The following VTI1A variants were observed in gnomAD, a reference collection of about 807,000 sequenced individuals.
VTI1A encodes vesicle transport through interaction with t-SNAREs 1A, also known as vesicle transport through interaction with t-SNAREs homolog 1A.
Under a neutral mutation model 34.9 loss-of-function variants are expected in VTI1A, and 22 were observed. That is an observed-to-expected ratio of 0.63 (90% CI 0.45 to 0.90). The LOEUF (loss-of-function observed/expected upper bound fraction) is 0.90. Among genes scored for constraint, VTI1A ranks in the 40% least tolerant of loss-of-function variants. The probability of loss-of-function intolerance (pLI) is 0.00; values close to 1 mark genes in which losing one functional copy is unlikely to be tolerated. For synonymous variants in VTI1A, 87 were observed against 97.3 expected, an observed-to-expected ratio of 0.89 and a Z score of 0.62; for missense variants, 268 against 275.6, an observed-to-expected ratio of 0.97 and a Z score of 0.20.
chr10:112,590,362 A>C lies in VTI1A; in HGVS notation c.427+52032A>C, dbSNP rs953586100. ...GATGGGCAGATAGAATATCCTCTCT[A>C]TATATGTTTGTGTATGTGGGAAAGA... On this transcript the variant is annotated intron_variant, in intron 5 of 7. Transcript: ENST00000393077. Among the ~76,000 whole-genome samples the C allele has an allele frequency of 2.6e-5, 4 of 152,288 alleles. 1 individual carries two copies. The highest frequency in any genetic ancestry group is 2.1e-4 in the South Asian group (1 of 4,824).
chr10:112,563,927 G>C (rs1851815402), intron 5 of VTI1A, among the ~76,000 whole-genome samples: 2 of 152,050 alleles, frequency 1.3e-5, no homozygotes, highest in Non-Finnish European at 2.9e-5. Context: ...TATTACTTCA[G>C]TTCTCAAATT....
intron 7 of VTI1A, among the ~76,000 whole-genome samples, chr10:112,790,616 G>GC (rs1852429876): frequency 6.6e-6 from 1 of 152,184 alleles, no homozygotes; most frequent in Non-Finnish European, 1.5e-5. Context: ...TCTTCTGGCA[G>GC]CCCCACCCTG....
In VTI1A at chr10:112,547,927, CT is replaced by C. The variant is rs373282812; in HGVS notation, c.427+9604del. Among the ~76,000 whole-genome samples the C allele has an allele frequency of 3.6e-3, 540 of 152,086 alleles. 4 individuals carry two copies. Among genetic ancestry groups the C allele is most frequent in the South Asian group, 0.028 (136 of 4,818 alleles). On this transcript the variant is annotated intron_variant, in intron 5 of 7. Coordinates refer to ENST00000393077, the MANE Select transcript of VTI1A (RefSeq NM_145206.4). Reference sequence around the variant, plus strand: ...ATCAATCAACAGTAGTATAAGCTTACTTTTTTTCTTTTTTCTCTTTTTTAAT... The same window carrying C: ...ATCAATCAACAGTAGTATAAGCTTACTTTTTTCTTTTTTCTCTTTTTTAAT...
At chr10:112,558,460 C>A (rs1319305294) in intron 5 of VTI1A, among the ~76,000 whole-genome samples, 1 of 152,160 alleles carries the variant, frequency 6.6e-6, no homozygotes, top group Non-Finnish European at 1.5e-5. Context: ...TTATCATAGA[C>A]TTACTGTGTA....
In VTI1A at chr10:112,668,284, A is replaced by G. The variant is rs1332099365; in HGVS notation, c.494A>G (p.Glu165Gly). ...HDREKIQRARERLRETDANLG... is the reference protein window; with the variant it reads ...HDREKIQRARGRLRETDANLG... ...AGAGAAAAGATACAGCGAGCACGTG[A>G]AAGAGTAAGTACAATTGATACAGTT... Residue 165 changes from glutamate (E) to glycine (G), a missense_variant, in exon 6 of 8, where the codon GAA becomes GGA. Transcript: ENST00000393077. 1 of 1,612,298 alleles carries G rather than the reference A, an allele frequency of 6.2e-7. No homozygotes were observed.
At chr10:112,732,955 C>T (rs925829204) in intron 7 of VTI1A, among the ~76,000 whole-genome samples, 2 of 152,150 alleles carry the variant, frequency 1.3e-5, no homozygotes, top group Non-Finnish European at 2.9e-5. Context: ...GAACATACCT[C>T]CAATTCCAAG....
At chr10:112,829,317 G>T in the VTI1A span, among the ~76,000 whole-genome samples, 1 of 152,054 alleles carries the variant, frequency 6.6e-6, no homozygotes. Flanking sequence ...GGTGGCAGGT[G>T]CCTGTAGTCC....
At chr10:112,621,035 A>C (rs12784131) in intron 5 of VTI1A, among the ~76,000 whole-genome samples, 1 of 152,208 alleles carries the variant, frequency 6.6e-6, no homozygotes, top group Non-Finnish European at 1.5e-5. Context: ...AATTCCATCC[A>C]TATGAAATCT....
At chr10:112,788,648 C>G (rs1852368496) in intron 7 of VTI1A, among the ~76,000 whole-genome samples, 1 of 152,048 alleles carries the variant, frequency 6.6e-6, no homozygotes, top group African/African-American at 2.4e-5. Flanking sequence ...ACATTTAGTC[C>G]ATTAACATTT....
At chr10:112,470,276 A>G (rs2134067751) in intron 3 of VTI1A, among the ~76,000 whole-genome samples, 1 of 152,296 alleles carries the variant, frequency 6.6e-6, no homozygotes, top group South Asian at 2.1e-4. Context: ...TTTCCCTCTC[A>G]AGGGTTGAGT....
chr10:112,649,965 A>G (rs1186432703), intron 5 of VTI1A, among the ~76,000 whole-genome samples: 1 of 152,222 alleles, frequency 6.6e-6, no homozygotes, highest in African/African-American at 2.4e-5. Context: ...GTGAGATTGT[A>G]AAGGGCGAGG....
At chr10:112,840,755 T>A in the VTI1A span, among the ~76,000 whole-genome samples, 3 of 152,162 alleles carry the variant, frequency 2.0e-5, no homozygotes, top group Admixed American at 1.3e-4. Flanking sequence ...AAATTCTGTA[T>A]TTCTTTATGT....
chr10:112,548,628 A>C (rs560548152), intron 5 of VTI1A: 326 of 1,030,022 alleles, frequency 3.2e-4, no homozygotes, highest in Non-Finnish European at 4.4e-4. Context: ...GATAATATTC[A>C]TTTAGCCTTC....
intron 7 of VTI1A, 143 bp from the exon 8 acceptor site, chr10:112,815,139 GCACACACA>G (rs71489986): frequency 2.5e-4 from 45 of 180,928 alleles, no homozygotes; most frequent in South Asian, 1.1e-3. Context: ...TTTCGCGCGC[GCACACACA>G]CACACACACA....
intron 5 of VTI1A, among the ~76,000 whole-genome samples, chr10:112,626,463 A>G (rs1471245090): frequency 3.3e-5 from 5 of 152,188 alleles, no homozygotes; most frequent in Admixed American, 6.5e-5. Flanking sequence ...GATTTATAGA[A>G]TTAATCTGTA....
At chr10:112,482,752 G>A (rs754827296) in intron 3 of VTI1A, among the ~76,000 whole-genome samples, 3 of 152,146 alleles carry the variant, frequency 2.0e-5, no homozygotes, top group South Asian at 2.1e-4. Context: ...TGTGCCCTTG[G>A]TAATGTATTT....
At chr10:112,784,754 A>G (rs1852233093) in intron 7 of VTI1A, among the ~76,000 whole-genome samples, 1 of 152,198 alleles carries the variant, frequency 6.6e-6, no homozygotes, top group Non-Finnish European at 1.5e-5. Flanking sequence ...AGAAAAATAG[A>G]TACTTCCCCT....
At position 112,644,088 on chromosome 10, in the gene VTI1A, G is replaced by A. The variant is rs142410184; in HGVS notation, c.428-24130G>A. Among the ~76,000 whole-genome samples, 8 of 152,280 alleles carry A rather than the reference G, an allele frequency of 5.3e-5. No individual in the cohort carries two copies. In the East Asian group the frequency reaches 1.5e-3, roughly 29 times the overall value. On this transcript the variant is annotated intron_variant, in intron 5 of 7. Transcript: ENST00000393077. Reference sequence around the variant, plus strand: ...CTCGGCTTTGCTATTCAGATGCACTGCAAAGTATGTGCATCACCCTCTCTG... The same window carrying A: ...CTCGGCTTTGCTATTCAGATGCACTACAAAGTATGTGCATCACCCTCTCTG...
chr10:112,641,137 G>A (rs1034491014), intron 5 of VTI1A, among the ~76,000 whole-genome samples: 1 of 151,962 alleles, frequency 6.6e-6, no homozygotes, highest in African/African-American at 2.4e-5. Context: ...AAAAGTCACG[G>A]ATTTTCTCCT....
Sources: allele counts gnomAD v4.1 joint callset (sites outside exome capture counted in the v4.1 genomes callset), GRCh38; gene constraint gnomAD v4.1.1; transcripts MANE v1.5; gene names NCBI Gene and HGNC (gene_info 2026-07-23, HGNC 2026-07-21).